The following CEP112 variants were observed in gnomAD, a reference collection of about 807,000 sequenced individuals.
CEP112 encodes centrosomal protein 112.
CEP112 carries 127 observed loss-of-function variants against 153.0 expected under a neutral mutation model. The ratio of observed to expected loss-of-function variants is 0.83; its 90% CI spans 0.72 to 0.96. CEP112 has a LOEUF of 0.96. CEP112 is among the 40% of genes least tolerant of loss of function. The probability of loss-of-function intolerance (pLI) is 0.00; values close to 1 mark genes in which losing one functional copy is unlikely to be tolerated. For synonymous variants in CEP112, 358 were observed against 374.4 expected, an observed-to-expected ratio of 0.96 and a Z score of 0.51; for missense variants, 1,089 against 1,101.2, an observed-to-expected ratio of 0.99 and a Z score of 0.16.
intron 21 of CEP112, among the ~76,000 whole-genome samples, chr17:65,769,140 T>G (rs1490573135): frequency 6.6e-6 from 1 of 151,758 alleles, no homozygotes; most frequent in Non-Finnish European, 1.5e-5. Context: ...TACACAACAA[T>G]GTAGCCAAAA....
At chr17:66,031,678 T>C (rs188316484) in intron 12 of CEP112, among the ~76,000 whole-genome samples, 6 of 151,982 alleles carry the variant, frequency 3.9e-5, no homozygotes, top group Non-Finnish European at 7.4e-5. Context: ...GCCAGGCTGG[T>C]TTCAAACCCC....
At chr17:66,148,383 T>G (rs2071014702) in intron 4 of CEP112, among the ~76,000 whole-genome samples, 1 of 152,120 alleles carries the variant, frequency 6.6e-6, no homozygotes, top group African/African-American at 2.4e-5. Flanking sequence ...TTTTTCTATT[T>G]CTGAAAAAAA....
At chr17:66,125,134 A>C (rs2069782022) in intron 6 of CEP112, among the ~76,000 whole-genome samples, 1 of 152,186 alleles carries the variant, frequency 6.6e-6, no homozygotes, top group Non-Finnish European at 1.5e-5. Context: ...TTTTGAGTAG[A>C]TACTTCCAGA....
intron 20 of CEP112, among the ~76,000 whole-genome samples, chr17:65,875,176 T>C (rs1450973965): frequency 6.6e-6 from 1 of 151,900 alleles, no homozygotes; most frequent in Admixed American, 6.6e-5. Flanking sequence ...AAATTGATGA[T>C]GAATTATTTA....
At chr17:65,875,210 GAAT>G (rs74269523) in intron 20 of CEP112, among the ~76,000 whole-genome samples, 21,348 of 151,898 alleles carry the variant, frequency 0.14, 1,525 homozygotes, top group African/African-American at 0.16. Flanking sequence ...CCAAACCACA[GAAT>G]ATAATTCTTT....
chr17:66,130,073 C>T (rs888103757), intron 5 of CEP112, among the ~76,000 whole-genome samples: 10 of 152,174 alleles, frequency 6.6e-5, no homozygotes, highest in East Asian at 3.9e-4. Flanking sequence ...TGTCATTCAG[C>T]GCAATGAGAG....
chr17:65,664,906 G>A (rs1361738050), intron 24 of CEP112, among the ~76,000 whole-genome samples: 1 of 152,212 alleles, frequency 6.6e-6, no homozygotes, highest in Non-Finnish European at 1.5e-5. Context: ...TACCAGCATG[G>A]TCTGGTTTAG....
intron 4 of CEP112, among the ~76,000 whole-genome samples, chr17:66,145,366 T>TA (rs2070877665): frequency 6.6e-6 from 1 of 152,074 alleles, no homozygotes; most frequent in African/African-American, 2.4e-5. Flanking sequence ...GTGCCTTTTT[T>TA]AAAAAAAGGT....
At chr17:66,006,878 G>A (rs910640979) in intron 16 of CEP112, among the ~76,000 whole-genome samples, 5 of 152,138 alleles carry the variant, frequency 3.3e-5, no homozygotes, top group Non-Finnish European at 5.9e-5. Context: ...AAAGTGAAAC[G>A]AGTGGCCAAC....
intron 20 of CEP112, among the ~76,000 whole-genome samples, chr17:65,874,409 T>C (rs2146531489): frequency 6.6e-6 from 1 of 152,282 alleles, no homozygotes; most frequent in South Asian, 2.1e-4. Context: ...CCATTATTAA[T>C]TTTGTTTTAC....
chr17:65,920,694 G>A (rs183073710), intron 19 of CEP112, among the ~76,000 whole-genome samples: 19 of 151,678 alleles, frequency 1.3e-4, no homozygotes, highest in African/African-American at 3.6e-4. Context: ...GAACATGTTC[G>A]AGTTTGTCAG....
chr17:66,096,126 A>G, intron 8 of CEP112, 125 bp downstream of exon 8: 1 of 629,692 alleles, frequency 1.6e-6, no homozygotes. Context: ...CATGTTTTAT[A>G]TTTGTTTCAA....
rs556244879 is a variant in CEP112, at chr17:65,950,504, GCTTT to G, written c.1872+10955_1872+10958del. ...TTTCGACGTTATTATGAATTAAATG[GCTTT>G]CTTAATTTCATTTTCAAATATTTCA... is the stretch of plus-strand genomic sequence containing the variant. On this transcript the variant is annotated intron_variant, in intron 18 of 26. Coordinates refer to ENST00000535342, the MANE Select transcript of CEP112 (RefSeq NM_001199165.4). Among the ~76,000 whole-genome samples the G allele has an allele frequency of 1.9e-3, 282 of 151,706 alleles. 3 individuals are homozygous for G. The highest frequency in any genetic ancestry group is 6.6e-3 in the African/African-American group (274 of 41,362).
At chr17:66,131,396 T>C (rs954514217) in intron 5 of CEP112, among the ~76,000 whole-genome samples, 4 of 152,182 alleles carry the variant, frequency 2.6e-5, no homozygotes, top group African/African-American at 9.7e-5. Context: ...TAATTCCAAA[T>C]TATCATTCGA....
At chr17:65,675,935 TCTTA>T (rs1270132664) in intron 24 of CEP112, among the ~76,000 whole-genome samples, 2 of 152,176 alleles carry the variant, frequency 1.3e-5, no homozygotes, top group Non-Finnish European at 2.9e-5. Context: ...GAAAATGAAC[TCTTA>T]CTAAGAATAG....
rs373026539 is a variant in CEP112 at position 65,899,660 on chromosome 17, G to A, written c.2163+2492C>T. Among the ~76,000 whole-genome samples, 24 of 151,472 alleles carry A rather than the reference G, an allele frequency of 1.6e-4. 2 individuals carry two copies. Among genetic ancestry groups the A allele is most frequent in the Middle Eastern group, 3.5e-3 (1 of 288 alleles). On this transcript the variant is annotated intron_variant, in intron 20 of 26. Transcript: ENST00000535342. Reference sequence around the variant, plus strand: ...GAAGAAGTCAAAAATAGATTTTAAGGAAACTGTACTCATTTAAGAATCTGG... The same window carrying A: ...GAAGAAGTCAAAAATAGATTTTAAGAAAACTGTACTCATTTAAGAATCTGG...
chr17:65,904,435 G>A (rs562647110), intron 19 of CEP112, among the ~76,000 whole-genome samples: 15 of 152,258 alleles, frequency 9.9e-5, no homozygotes, highest in Non-Finnish European at 1.8e-4. Context: ...ACAAACCACT[G>A]CTCAAGGAAA....
chr17:65,974,421 G>A (rs1438322938), intron 17 of CEP112, among the ~76,000 whole-genome samples: 1 of 152,160 alleles, frequency 6.6e-6, no homozygotes, highest in Non-Finnish European at 1.5e-5. Flanking sequence ...ACTTAAGTCA[G>A]TGTAACCTTT....
At chr17:65,812,572 A>G (rs1448883321) in intron 21 of CEP112, among the ~76,000 whole-genome samples, 1 of 152,212 alleles carries the variant, frequency 6.6e-6, no homozygotes, top group Non-Finnish European at 1.5e-5. Context: ...CAGCCCGTTT[A>G]TAATTGAAGG....
Sources: gnomAD v4.1 joint callset for allele counts (sites outside exome capture counted in the v4.1 genomes callset) on GRCh38, gnomAD v4.1.1 for gene constraint, MANE v1.5 for transcripts, NCBI Gene and HGNC (gene_info 2026-07-23, HGNC 2026-07-21) for gene names.